Variants in TUBB8B observed in about 807,000 individuals in gnomAD.
The protein encoded by TUBB8B is HSA18p11 beta-tubulin 4Q pseudogene.
Under a neutral mutation model 31.9 loss-of-function variants are expected in TUBB8B, and 26 were observed. The observed-to-expected ratio is 0.81, with a 90% CI of 0.60 to 1.13. TUBB8B has a LOEUF of 1.13. Ranked by LOEUF, TUBB8B falls within the 50% of genes most tolerant of loss-of-function variation. TUBB8B has a pLI of 0.00. For synonymous variants in TUBB8B, 173 were observed against 231.0 expected, an observed-to-expected ratio of 0.75 and a Z score of 2.28; for missense variants, 467 against 586.7, an observed-to-expected ratio of 0.80 and a Z score of 2.11.
chr18:66,992 T>G, the TUBB8B span, among the ~76,000 whole-genome samples: 1 of 140,078 alleles, frequency 7.1e-6, no homozygotes, highest in Non-Finnish European at 1.5e-5. Flanking sequence ...TTCTTGTTTT[T>G]TTTGTTTTTT....
upstream of TUBB8B, among the ~76,000 whole-genome samples, chr18:52,211 G>C (rs144613427): frequency 7.6e-3 from 1,149 of 152,010 alleles, 8 homozygotes; most frequent in African/African-American, 0.027. Flanking sequence ...AAGGCTAAAA[G>C]TCAGAGGATT....
chr18:66,078 A>G, the TUBB8B span, among the ~76,000 whole-genome samples: 1 of 152,070 alleles, frequency 6.6e-6, no homozygotes, highest in South Asian at 2.1e-4. Flanking sequence ...ATAACTTAAA[A>G]ATTAGCTAGG....
chr18:63,459 C>A, the TUBB8B span, among the ~76,000 whole-genome samples: 1 of 151,428 alleles, frequency 6.6e-6, no homozygotes, highest in Admixed American at 6.6e-5. Context: ...TCTTTCTGTG[C>A]TAAGCCATGT....
the TUBB8B span, among the ~76,000 whole-genome samples, chr18:72,196 A>AAAAAAAAAAAAAACAACAAC: frequency 4.7e-5 from 4 of 84,536 alleles, no homozygotes; most frequent in African/African-American, 1.6e-4. Context: ...AAAAAAAAAA[A>AAAAAAAAAAAAAACAACAAC]AAAGGAAAAA....
the TUBB8B span, among the ~76,000 whole-genome samples, chr18:55,167 T>C: frequency 6.6e-6 from 1 of 151,876 alleles, no homozygotes; most frequent in East Asian, 1.9e-4. Context: ...ACTGGTATGA[T>C]CTCGGTTCAC....
the TUBB8B span, among the ~76,000 whole-genome samples, chr18:72,177 C>CAAAAAAAAAAAAAAAAAAAAAAAA: frequency 1.7e-4 from 13 of 78,764 alleles, no homozygotes; most frequent in Admixed American, 2.9e-4. Flanking sequence ...GACTCCATCT[C>CAAAAAAAAAAAAAAAAAAAAAAAA]AAAAAAAAAA....
upstream of TUBB8B, among the ~76,000 whole-genome samples, chr18:52,705 T>C (rs12961740): frequency 2.0e-5 from 3 of 152,012 alleles, no homozygotes; most frequent in East Asian, 3.9e-4. Context: ...AGGGTCCTGA[T>C]ACAGACCACA....
chr18:61,255 T>TA, the TUBB8B span, among the ~76,000 whole-genome samples: 78 of 151,774 alleles, frequency 5.1e-4, 2 homozygotes, highest in African/African-American at 1.7e-3. Context: ...TTGTATGGTA[T>TA]AAGTAAAGCT....
chr18:66,987 G>GTTT, the TUBB8B span, among the ~76,000 whole-genome samples: 2 of 133,244 alleles, frequency 1.5e-5, no homozygotes, highest in African/African-American at 6.3e-5. Context: ...TTATTTTCTT[G>GTTT]TTTTTTTTGT....
At chr18:68,619 C>T in the TUBB8B span, among the ~76,000 whole-genome samples, 3 of 152,172 alleles carry the variant, frequency 2.0e-5, no homozygotes, top group African/African-American at 7.2e-5. Context: ...CCAGAAAGCA[C>T]AATCCACCCG....
In TUBB8B at chr18:47,401, C is replaced by T. The variant is rs1318597724; in HGVS notation, c.1324G>A (p.Glu442Lys). 1.9e-6 allele frequency: 2 copies of T among 1,047,334 alleles called. No individual in the cohort carries two copies. Among genetic ancestry groups the T allele is most frequent in the Non-Finnish European group, 2.9e-6 (2 of 686,994 alleles). 64.9% of individuals were successfully genotyped at this position (1,047,334 alleles called of 1,614,324 possible). Residue 442 changes from glutamate (E) to lysine (K), a missense_variant, in exon 4 of 4, where the codon GAG (glutamate) becomes AAG (lysine). Around this residue, in one of 2 missense-constraint regions of TUBB8B, gnomAD observed 208 missense variants for 206.7 expected, o/e 1.01. Coordinates refer to ENST00000308911, the MANE Select transcript of TUBB8B (RefSeq NM_001358689.2). ...EEEDEEYAEE[E>K]VA ...AGAAAAGGAGAGTTCTAGGCCACCT[C>T]CTCCTCGGCATACTCCTCATCCTCC...
chr18:54,426 T>C (rs1906218855), upstream of TUBB8B, among the ~76,000 whole-genome samples: 1 of 147,486 alleles, frequency 6.8e-6, no homozygotes, highest in African/African-American at 2.5e-5. Context: ...AATGTATAAT[T>C]AAATTTTTTT....
the TUBB8B span, among the ~76,000 whole-genome samples, chr18:55,929 T>A: frequency 6.6e-6 from 1 of 151,790 alleles, no homozygotes; most frequent in East Asian, 1.9e-4. Flanking sequence ...CTAAAGAGTT[T>A]CCCCAGTGTT....
chr18:54,403 TTA>T (rs1309168031), upstream of TUBB8B, among the ~76,000 whole-genome samples: 1 of 151,848 alleles, frequency 6.6e-6, no homozygotes, highest in Non-Finnish European at 1.5e-5. Context: ...TTATACTATT[TTA>T]GTTTTTATAA....
In TUBB8B at chr18:49,385, G is replaced by A. The variant is rs1278333140; in HGVS notation, c.57+116C>T. ...GCCTCGCCAGCCACCCGGTTCCACC[G>A]TCCCCGGCAGGGAGCCCAGGGGCCG... On this transcript the variant is annotated intron_variant, in intron 1 of 3. Transcript: ENST00000308911. 16 of 687,874 alleles carry A rather than the reference G, an allele frequency of 2.3e-5. 1 individual carries two copies. The highest frequency in any genetic ancestry group is 1.9e-4 in the East Asian group (5 of 26,126). 42.6% of individuals were successfully genotyped at this position (687,874 alleles called of 1,614,324 possible). A position where few individuals can be genotyped will look rare whatever the true frequency, so the allele number is the denominator to read the frequency against.
the TUBB8B span, among the ~76,000 whole-genome samples, chr18:55,078 T>C: frequency 2.0e-5 from 3 of 152,006 alleles, no homozygotes; most frequent in Non-Finnish European, 4.4e-5. Context: ...TCTGCACTGC[T>C]ATAAAAAAAC....
rs4798106 is a variant in TUBB8B at position 48,387 on chromosome 18, G to C, written c.338C>G (p.Thr113Arg). The change falls in exon 4 of 4, where the codon ACG (threonine) becomes AGG (arginine). Residue 113 changes from threonine (T) to arginine (R), a missense_variant. Transcript: ENST00000308911. Reference protein sequence around the residue: ...KGRYTEGAELTESVMDVVRKE... With the variant: ...KGRYTEGAELRESVMDVVRKE... ...TCTGACAACGTCCATCACTGACTCCGTCAGCTCCGCGCCTTCTGTGTAGCG... is the reference window on the plus strand; with the variant it reads ...TCTGACAACGTCCATCACTGACTCCCTCAGCTCCGCGCCTTCTGTGTAGCG... 31 of 1,393,800 alleles carry C rather than the reference G, an allele frequency of 2.2e-5. No individual in the cohort carries two copies. In the African/African-American group the frequency reaches 4.1e-4, roughly 19 times the overall value. 86.3% of individuals were successfully genotyped at this position (1,393,800 alleles called of 1,614,324 possible).
the TUBB8B span, among the ~76,000 whole-genome samples, chr18:58,647 G>A: frequency 6.6e-6 from 1 of 151,502 alleles, no homozygotes; most frequent in Non-Finnish European, 1.5e-5. Context: ...TCATTTTTCT[G>A]TCTTCTTCTG....
chr18:50,188 G>A (rs1043804731), upstream of TUBB8B: 3 of 262,512 alleles, frequency 1.1e-5, no homozygotes, highest in African/African-American at 6.7e-5. Flanking sequence ...GGTAATATTG[G>A]ATTCTTAAAG....
Sources: gnomAD v4.1 joint callset for allele counts (sites outside exome capture counted in the v4.1 genomes callset) on GRCh38, gnomAD v4.1.1 for gene constraint, gnomAD v4.1.1 regional missense constraint, MANE v1.5 for transcripts, NCBI Gene and HGNC (gene_info 2026-07-23, HGNC 2026-07-21) for gene names.